Variants in BBS7 observed in about 807,000 individuals in gnomAD.
The protein encoded by BBS7 is Bardet-Biedl syndrome 7, also known as BBSome complex member BBS7.
Under a neutral mutation model 90.3 loss-of-function variants are expected in BBS7, and 50 were observed. That is an observed-to-expected ratio of 0.55 (90% CI 0.44 to 0.70). The LOEUF is 0.70. Among genes scored for constraint, BBS7 ranks in the 30% least tolerant of loss-of-function variants. The pLI, the probability that BBS7 is intolerant of heterozygous loss-of-function variation, is 0.00. For synonymous variants in BBS7, 235 were observed against 287.4 expected (o/e 0.82, Z 1.85); for missense variants, 729 against 838.9 (o/e 0.87, Z 1.62).
chr4:121,849,768 T>A (rs916693764), intron 8 of BBS7, among the ~76,000 whole-genome samples: 4 of 152,106 alleles, frequency 2.6e-5, no homozygotes, highest in Non-Finnish European at 5.9e-5. Context: ...AGGCGGAGGT[T>A]GCAGTGAGCT....
chr4:121,849,293 T>C (rs780081820), intron 8 of BBS7, among the ~76,000 whole-genome samples: 1 of 152,172 alleles, frequency 6.6e-6, no homozygotes, highest in Non-Finnish European at 1.5e-5. Flanking sequence ...CTTGACCTCC[T>C]GGGCTCAAAC....
At chr4:121,867,881 T>G in intron 2 of BBS7, 100 bp downstream of exon 2, 2 of 1,045,498 alleles carry the variant, frequency 1.9e-6, no homozygotes, top group Non-Finnish European at 2.9e-6. Flanking sequence ...ATTTTAACAT[T>G]AGCATTTTTA....
chr4:121,851,238 C>T (rs796749035), intron 8 of BBS7, among the ~76,000 whole-genome samples: 1 of 152,022 alleles, frequency 6.6e-6, no homozygotes, highest in Non-Finnish European at 1.5e-5. Flanking sequence ...ACAAACTGTT[C>T]ATTTCCTAAC....
In BBS7 at chr4:121,828,161, G is replaced by A; in HGVS notation, c.1999C>T (p.Leu667Phe). 6.2e-7 allele frequency: 1 copy of A among 1,613,840 alleles called. No individual in the cohort carries two copies. The highest frequency in any genetic ancestry group is 8.5e-7 in the Non-Finnish European group (1 of 1,179,866). Residue 667 changes from leucine to phenylalanine, a missense_variant, in exon 18 of 19, where the codon CTT becomes TTT. Transcript: ENST00000264499. Reference sequence around the variant, plus strand: ...GTCCACTAACCATAGAGTCTTTCAAGATGTGCAGGTTGCTTTTTGTATTCT... The same window carrying A: ...GTCCACTAACCATAGAGTCTTTCAAAATGTGCAGGTTGCTTTTTGTATTCT... ...QEEYKKQPAHLERLYGMITDL... is the reference protein window; with the variant it reads ...QEEYKKQPAHFERLYGMITDL...
At chr4:121,841,451 C>T (rs1329484925) in intron 12 of BBS7, among the ~76,000 whole-genome samples, 7 of 152,046 alleles carry the variant, frequency 4.6e-5, no homozygotes, top group South Asian at 4.1e-4. Flanking sequence ...TATGGTCCTA[C>T]GTACTCAGGA....
Position 121,833,392 on chromosome 4 carries a change from G to A in BBS7, c.1515C>T (p.Pro505=), listed in dbSNP as rs769973670. 8 of 1,613,862 alleles carry A rather than the reference G, an allele frequency of 5.0e-6. No individual in the cohort carries two copies. The highest frequency in any genetic ancestry group is 5.9e-6 in the Non-Finnish European group (7 of 1,179,844). Residue 505 remains proline, a synonymous_variant, in exon 15 of 19, where the codon CCC becomes CCT. Transcript: ENST00000264499. The stretch of plus-strand genomic sequence containing the variant: ...GGCCTGTTAGGGTCAGTGTATTCAT[G>A]GGTCTGTAATATAATAGTAGAGGCG... ...QRTHFIDHDR[P]MNTLTLTGQF... is the part of the protein sequence containing the mutation.
At chr4:121,856,707 C>G (rs906396456) in intron 5 of BBS7, among the ~76,000 whole-genome samples, 7 of 150,096 alleles carry the variant, frequency 4.7e-5, no homozygotes, top group African/African-American at 1.2e-4. Context: ...AAGACTCCAT[C>G]TCAAAAAAAA....
At chr4:121,856,437 T>C (rs1370669611) in intron 5 of BBS7, among the ~76,000 whole-genome samples, 1 of 152,058 alleles carries the variant, frequency 6.6e-6, no homozygotes, top group Non-Finnish European at 1.5e-5. Context: ...ATTTGCAAAA[T>C]GGGGTGTGGT....
Position 121,853,091 on chromosome 4 carries a change from A to C in BBS7, c.719-5T>G. On this transcript the variant is annotated splice_region_variant and splice_polypyrimidine_tract_variant and intron_variant, in intron 7 of 18. Transcript: ENST00000264499. ...AGCTGTCAATACACAAAATACCTTT[A>C]AAAAGAGATATGTGATAAGTTATTA... 6.2e-7 allele frequency: 1 copy of C among 1,612,260 alleles called. No individual in the cohort carries two copies. Among genetic ancestry groups the C allele is most frequent in the South Asian group, 1.1e-5 (1 of 91,036 alleles).
intron 3 of BBS7, 61 bp downstream of exon 3, chr4:121,863,156 T>G: frequency 6.6e-7 from 1 of 1,506,488 alleles, no homozygotes; most frequent in Non-Finnish European, 9.2e-7. Context: ...CTAGTATTAT[T>G]CAATAAATAG....
chr4:121,859,351 T>C (rs1726854089), intron 4 of BBS7, among the ~76,000 whole-genome samples, 173 bp from the exon 5 acceptor site: 1 of 152,156 alleles, frequency 6.6e-6, no homozygotes, highest in East Asian at 1.9e-4. Context: ...TAACACTGTT[T>C]TTGATTTTGA....
In BBS7 at chr4:121,855,932, GTGTATA is replaced by G. The variant is rs1412943456; in HGVS notation, c.529-377_529-372del. On this transcript the variant is annotated intron_variant, in intron 5 of 18. Transcript: ENST00000264499. ...TATGTATATATGTGTACATGTACAT[GTGTATA>G]TGTATATGTACATATATATGTGTGT... 1.4e-4 allele frequency among the ~76,000 whole-genome samples: 11 copies of G among 76,522 alleles called. 1 individual carries two copies. The South Asian group carries it at 5.2e-3, about 36-fold the overall frequency. 50.2% of individuals were successfully genotyped at this position (76,522 alleles called of 152,430 possible). A position where few individuals can be genotyped will look rare whatever the true frequency, so the allele number is the denominator to read the frequency against.
Position 121,828,693 on chromosome 4 carries a change from G to T in BBS7, c.1712C>A (p.Ser571Tyr), listed in dbSNP as rs1295543172. The stretch of plus-strand genomic sequence containing the variant: ...CACATCTTTTAGGATGGAGATAGTA[G>T]AAATGTTGTCAGATTTAAAAACTCC... ...GEGVFKSDNISTISILKDVLS... is the reference protein window; with the variant it reads ...GEGVFKSDNIYTISILKDVLS... The change falls in exon 16 of 19, where the codon TCT becomes TAT. Residue 571 changes from serine (S) to tyrosine (Y), a missense_variant. Transcript: ENST00000264499. The T allele has an allele frequency of 6.2e-7, 1 of 1,606,120 alleles. No homozygotes were observed. The highest frequency in any genetic ancestry group is 8.5e-7 in the Non-Finnish European group (1 of 1,175,754).
rs755971565 is a variant in BBS7 at position 121,835,333 on chromosome 4, C to A, written c.1372-50G>T. The A allele has an allele frequency of 3.1e-6, 5 of 1,600,194 alleles. No homozygotes were observed. The South Asian group carries it at 5.5e-5, about 18-fold the overall frequency. ...AAAATAAGAATATTTAGCAACAAAACATATCTTTAGAATGTTCAACATAAG... is the reference window on the plus strand; with the variant it reads ...AAAATAAGAATATTTAGCAACAAAAAATATCTTTAGAATGTTCAACATAAG... On this transcript the variant is annotated intron_variant, in intron 13 of 18. Coordinates refer to ENST00000264499, the MANE Select transcript of BBS7 (RefSeq NM_176824.3).
intron 5 of BBS7, among the ~76,000 whole-genome samples, chr4:121,855,912 A>ATGTG (rs1726636926): frequency 7.7e-6 from 1 of 129,886 alleles, no homozygotes; most frequent in African/African-American, 4.0e-5. Flanking sequence ...GTATATATGT[A>ATGTG]TATATGTGTA....
At position 121,835,246 on chromosome 4, in the gene BBS7, G is replaced by A. The variant is rs1305038633; in HGVS notation, c.1409C>T (p.Ala470Val). Reference protein sequence around the residue: ...SIEGQYGTLQAYVTPRIQPKT... With the variant: ...SIEGQYGTLQVYVTPRIQPKT... ...GGGTTGAATTCTTGGAGTCACATAT[G>A]CTTGTAGTGTGCCATACTGGCCTTC... The change falls in exon 14 of 19, where the codon GCA becomes GTA. Residue 470 changes from alanine to valine, a missense_variant. Ala to Val is a moderately conservative substitution (Grantham distance 64). Transcript: ENST00000264499. 1 of 1,613,822 alleles carries A rather than the reference G, an allele frequency of 6.2e-7. No individual in the cohort carries two copies. The highest frequency in any genetic ancestry group is 1.1e-5 in the South Asian group (1 of 91,074).
intron 5 of BBS7, among the ~76,000 whole-genome samples, chr4:121,858,323 T>C (rs1726792317): frequency 6.6e-6 from 1 of 152,166 alleles, no homozygotes; most frequent in Non-Finnish European, 1.5e-5. Flanking sequence ...TTCATCTAAC[T>C]GTTACATGCT....
chr4:121,843,883 T>A, intron 12 of BBS7, 44 bp downstream of exon 12: 1 of 1,288,698 alleles, frequency 7.8e-7, no homozygotes. Flanking sequence ...AATGGCATAA[T>A]AGAAATGAAA....
At chr4:121,855,043 T>C (rs1413025181) in intron 6 of BBS7, among the ~76,000 whole-genome samples, 1 of 152,172 alleles carries the variant, frequency 6.6e-6, no homozygotes, top group Non-Finnish European at 1.5e-5. Context: ...TTGGGTGCCG[T>C]GGCTCATGCC....
Sources: gnomAD v4.1 joint callset for allele counts (sites outside exome capture counted in the v4.1 genomes callset) on GRCh38, gnomAD v4.1.1 for gene constraint, MANE v1.5 for transcripts, NCBI Gene and HGNC (gene_info 2026-07-23, HGNC 2026-07-21) for gene names.